Variants in MALRD1 observed in about 807,000 individuals in gnomAD.
MALRD1 encodes MAM and LDL receptor class A domain containing 1, also known as MAM and LDL-receptor class A domain-containing protein 1.
Under a neutral mutation model 242.1 loss-of-function variants are expected in MALRD1, and 247 were observed. The observed-to-expected ratio is 1.02, with a 90% CI of 0.92 to 1.13. The LOEUF is 1.13. Among genes scored for constraint, MALRD1 ranks in the 50% most tolerant of loss-of-function variants. The pLI is 0.00. For missense variants in MALRD1, 2,989 were observed against 2,533.1 expected, an observed-to-expected ratio of 1.18 and a Z score of -3.86; for synonymous variants, 995 against 866.6, an observed-to-expected ratio of 1.15 and a Z score of -2.60.
intron 21 of MALRD1, among the ~76,000 whole-genome samples, chr10:19,293,076 A>G (rs1420513385): frequency 2.6e-5 from 4 of 152,132 alleles, no homozygotes; most frequent in Non-Finnish European, 5.9e-5. Flanking sequence ...AAATACCAGA[A>G]TTATTGCCTT....
intron 21 of MALRD1, among the ~76,000 whole-genome samples, chr10:19,312,482 G>A (rs1027210309): frequency 6.7e-6 from 1 of 150,190 alleles, no homozygotes; most frequent in Non-Finnish European, 1.5e-5. Flanking sequence ...AGAGGTATAA[G>A]GGATTAAAAT....
chr10:19,120,038 C>A (rs1241138580), intron 5 of MALRD1, among the ~76,000 whole-genome samples: 2 of 151,996 alleles, frequency 1.3e-5, no homozygotes, highest in Non-Finnish European at 2.9e-5. Flanking sequence ...GAGTTGGAGT[C>A]CACAAAAATT....
intron 11 of MALRD1, among the ~76,000 whole-genome samples, chr10:19,149,926 A>G (rs757866657): frequency 6.6e-6 from 1 of 152,182 alleles, no homozygotes; most frequent in Non-Finnish European, 1.5e-5. Flanking sequence ...TGAAAATGGA[A>G]TCATATCATA....
At chr10:19,651,445 T>C (rs1276525973) in intron 36 of MALRD1, among the ~76,000 whole-genome samples, 1 of 152,188 alleles carries the variant, frequency 6.6e-6, no homozygotes, top group African/African-American at 2.4e-5. Flanking sequence ...CATATTATTC[T>C]TATTTTAAAA....
chr10:19,063,142 TC>T (rs1042230451), intron 1 of MALRD1, among the ~76,000 whole-genome samples: 24 of 147,694 alleles, frequency 1.6e-4, no homozygotes, highest in East Asian at 4.0e-4. Context: ...CAAGACCCTG[TC>T]CCCCCCCCAA....
At chr10:19,673,442 T>C (rs1180077067) in intron 36 of MALRD1, among the ~76,000 whole-genome samples, 2 of 152,112 alleles carry the variant, frequency 1.3e-5, no homozygotes, top group Admixed American at 6.6e-5. Flanking sequence ...TAGAACTGTA[T>C]AGTGAGGGAA....
At chr10:19,394,468 G>C (rs1846488848) in intron 28 of MALRD1, among the ~76,000 whole-genome samples, 1 of 152,108 alleles carries the variant, frequency 6.6e-6, no homozygotes, top group Non-Finnish European at 1.5e-5. Context: ...TGTGGAAAAT[G>C]TCAGATAAAA....
intron 2 of MALRD1, among the ~76,000 whole-genome samples, chr10:19,071,369 G>A (rs1835142455): frequency 6.6e-6 from 1 of 151,332 alleles, no homozygotes; most frequent in Non-Finnish European, 1.5e-5. Flanking sequence ...GCTATTCCAG[G>A]CTGCCCTTCG....
chr10:19,264,057 C>A (rs1024517207), intron 19 of MALRD1, among the ~76,000 whole-genome samples: 3 of 152,106 alleles, frequency 2.0e-5, no homozygotes, highest in African/African-American at 7.2e-5. Flanking sequence ...CACATCCTCC[C>A]AATACTTGTT....
At chr10:19,187,308 G>T (rs943345343) in intron 14 of MALRD1, among the ~76,000 whole-genome samples, 1 of 152,074 alleles carries the variant, frequency 6.6e-6, no homozygotes, top group African/African-American at 2.4e-5. Context: ...AAAAAAAAAT[G>T]AGGCAAGGAA....
At chr10:19,201,082 GA>G (rs1362860594) in intron 14 of MALRD1, among the ~76,000 whole-genome samples, 1 of 151,990 alleles carries the variant, frequency 6.6e-6, no homozygotes, top group Non-Finnish European at 1.5e-5. Flanking sequence ...CAGAAACAGT[GA>G]AAAATCCTAG....
intron 18 of MALRD1, among the ~76,000 whole-genome samples, chr10:19,254,700 T>C (rs1232222738): frequency 6.6e-6 from 1 of 151,962 alleles, no homozygotes; most frequent in East Asian, 1.9e-4. Context: ...CAGAAATTCT[T>C]ATTTAAAGTT....
chr10:19,611,769 T>G (rs1838910400), intron 35 of MALRD1, among the ~76,000 whole-genome samples: 1 of 152,038 alleles, frequency 6.6e-6, no homozygotes, highest in African/African-American at 2.4e-5. Context: ...GAAAATACTT[T>G]GTGCCGTGTC....
chr10:19,341,432 CTATATGTATATATATA>C (rs1843845214), intron 24 of MALRD1, among the ~76,000 whole-genome samples: 1 of 98,990 alleles, frequency 1.0e-5, no homozygotes, highest in South Asian at 2.7e-4. Flanking sequence ...TAAAATAACA[CTATATGTATATATATA>C]TATGTGTATA....
At chr10:19,574,187 G>A (rs1395720717) in intron 33 of MALRD1, among the ~76,000 whole-genome samples, 1 of 152,132 alleles carries the variant, frequency 6.6e-6, no homozygotes, top group African/African-American at 2.4e-5. Context: ...GTATCTCTAG[G>A]CTTGAATAGC....
intron 1 of MALRD1, among the ~76,000 whole-genome samples, chr10:19,053,768 T>A (rs1834579160): frequency 6.6e-6 from 1 of 150,904 alleles, no homozygotes; most frequent in East Asian, 1.9e-4. Flanking sequence ...AGTCTTTTTA[T>A]TGTCAGACCA....
intron 29 of MALRD1, among the ~76,000 whole-genome samples, chr10:19,457,775 T>A (rs550797530): frequency 6.6e-6 from 1 of 150,612 alleles, no homozygotes; most frequent in East Asian, 1.9e-4. Flanking sequence ...TGAAAAAAAA[T>A]AAGTGATATC....
At position 19,692,263 on chromosome 10, in the gene MALRD1, T is replaced by C. The variant is rs956512083; in HGVS notation, c.6138-19T>C. On this transcript the variant is annotated intron_variant, in intron 36 of 39. Coordinates refer to ENST00000454679, the MANE Select transcript of MALRD1 (RefSeq NM_001142308.3). ...TCACTTTTCTTTTTTCCAACTATTT[T>C]ATTTTATCTCCTTTCCAGATGTAGA... 18 of 1,520,238 alleles carry C rather than the reference T, an allele frequency of 1.2e-5. No individual in the cohort carries two copies. Among genetic ancestry groups the C allele is most frequent in the Non-Finnish European group, 1.5e-5 (17 of 1,136,820 alleles). The allele number at this position is 1,520,238 out of a possible 1,614,324, so 94.2% of individuals were successfully genotyped here.
chr10:19,223,350 C>G (rs1837645234), intron 18 of MALRD1, among the ~76,000 whole-genome samples: 1 of 151,932 alleles, frequency 6.6e-6, no homozygotes, highest in South Asian at 2.1e-4. Flanking sequence ...TTGCCTTTTT[C>G]CAAACTGAAA....
Sources: gnomAD v4.1 joint callset for allele counts (sites outside exome capture counted in the v4.1 genomes callset) on GRCh38, gnomAD v4.1.1 for gene constraint, MANE v1.5 for transcripts, NCBI Gene and HGNC (gene_info 2026-07-23, HGNC 2026-07-21) for gene names.